Variants in TEAD1 observed in about 807,000 individuals in gnomAD.
The protein encoded by TEAD1 is TEA domain transcription factor 1.
A neutral mutation model predicts 54.9 loss-of-function variants in TEAD1; 9 were observed. That is an observed-to-expected ratio of 0.16 (90% CI 0.10 to 0.29). The LOEUF is 0.29. Among genes scored for constraint, TEAD1 ranks in the 10% least tolerant of loss-of-function variants. The pLI is 1.00. For missense variants in TEAD1, 387 were observed against 535.9 expected (o/e 0.72, Z 2.74); for synonymous variants, 200 against 187.8 (o/e 1.07, Z -0.53).
intron 3 of TEAD1, among the ~76,000 whole-genome samples, chr11:12,770,525 T>C (rs942907619): frequency 2.6e-5 from 4 of 152,180 alleles, no homozygotes; most frequent in Non-Finnish European, 5.9e-5. Flanking sequence ...GTGTGAGCAG[T>C]TAACATACCA....
intron 10 of TEAD1, chr11:12,923,066 C>T (rs1948840606): frequency 6.6e-6 from 1 of 151,840 alleles, no homozygotes; most frequent in Admixed American, 6.6e-5. Flanking sequence ...GCTATAATGG[C>T]CTCCTAGTAT....
chr11:12,766,217 A>C (rs1197450320), intron 3 of TEAD1, among the ~76,000 whole-genome samples: 1 of 152,234 alleles, frequency 6.6e-6, no homozygotes, highest in African/African-American at 2.4e-5. Flanking sequence ...CTGAGAACAT[A>C]ATTCAAAGCA....
chr11:12,881,545 C>G (rs1275864972), intron 7 of TEAD1, among the ~76,000 whole-genome samples: 2 of 152,192 alleles, frequency 1.3e-5, no homozygotes, highest in African/African-American at 4.8e-5. Flanking sequence ...AAAAAACTTG[C>G]ATTGTTTGGC....
chr11:12,903,342 A>G (rs1204938872), intron 10 of TEAD1, among the ~76,000 whole-genome samples: 2 of 152,202 alleles, frequency 1.3e-5, no homozygotes, highest in African/African-American at 4.8e-5. Context: ...ACGTATCTCT[A>G]TACCAAGCAA....
At chr11:12,911,095 A>C (rs549510083) in intron 10 of TEAD1, among the ~76,000 whole-genome samples, 1 of 152,192 alleles carries the variant, frequency 6.6e-6, no homozygotes, top group African/African-American at 2.4e-5. Context: ...AAGCAAGCCT[A>C]CTTTTACTAA....
chr11:12,776,151 G>A (rs997227148), intron 3 of TEAD1, among the ~76,000 whole-genome samples: 2 of 152,178 alleles, frequency 1.3e-5, no homozygotes, highest in African/African-American at 4.8e-5. Flanking sequence ...TCTTATTATA[G>A]GTTTTAGGAC....
intron 2 of TEAD1, among the ~76,000 whole-genome samples, chr11:12,710,674 A>C (rs1458400436): frequency 6.6e-6 from 1 of 152,208 alleles, no homozygotes; most frequent in African/African-American, 2.4e-5. Flanking sequence ...AGGCACTGGG[A>C]CAGCAGTGAA....
chr11:12,783,307 C>G (rs1313622153), intron 3 of TEAD1, among the ~76,000 whole-genome samples: 10 of 151,212 alleles, frequency 6.6e-5, no homozygotes, highest in Admixed American at 6.6e-4. Flanking sequence ...AATGTTTGAG[C>G]CTCCCTACAG....
At chr11:12,854,980 C>G (rs1030885837) in intron 3 of TEAD1, among the ~76,000 whole-genome samples, 1 of 152,220 alleles carries the variant, frequency 6.6e-6, no homozygotes, top group Non-Finnish European at 1.5e-5. Context: ...CAGTGGATGA[C>G]TGGCCAGCTT....
intron 12 of TEAD1, among the ~76,000 whole-genome samples, chr11:12,934,542 A>T (rs939939923): frequency 2.0e-5 from 3 of 151,990 alleles, no homozygotes; most frequent in African/African-American, 2.4e-5. Flanking sequence ...AAAGTATAAT[A>T]AAAAATAAAT....
chr11:12,768,078 C>T (rs763819622), intron 3 of TEAD1, among the ~76,000 whole-genome samples: 2 of 152,136 alleles, frequency 1.3e-5, no homozygotes, highest in Non-Finnish European at 2.9e-5. Context: ...GTCAGATAGA[C>T]CCCATAATCA....
chr11:12,688,053 G>T (rs1160751740), intron 2 of TEAD1, among the ~76,000 whole-genome samples: 1 of 152,184 alleles, frequency 6.6e-6, no homozygotes, highest in African/African-American at 2.4e-5. Context: ...CACCCTGTAG[G>T]CCTGGATATG....
intron 2 of TEAD1, among the ~76,000 whole-genome samples, chr11:12,733,266 A>G (rs549528673): frequency 3.9e-5 from 6 of 152,340 alleles, no homozygotes; most frequent in Non-Finnish European, 7.3e-5. Flanking sequence ...ATTGGATGAC[A>G]GTGAACTTTG....
At chr11:12,870,843 A>G (rs1252898171) in intron 5 of TEAD1, among the ~76,000 whole-genome samples, 1 of 152,086 alleles carries the variant, frequency 6.6e-6, no homozygotes, top group Non-Finnish European at 1.5e-5. Flanking sequence ...CCGAGATTGT[A>G]CTGCTGTACC....
chr11:12,727,888 C>T (rs1307838643), intron 2 of TEAD1, among the ~76,000 whole-genome samples: 1 of 152,112 alleles, frequency 6.6e-6, no homozygotes, highest in Non-Finnish European at 1.5e-5. Flanking sequence ...CAAGGAATAT[C>T]CATATCTTTT....
At chr11:12,814,930 G>T (rs1946385485) in intron 3 of TEAD1, among the ~76,000 whole-genome samples, 1 of 151,988 alleles carries the variant, frequency 6.6e-6, no homozygotes, top group Non-Finnish European at 1.5e-5. Flanking sequence ...CTGCCTCCAC[G>T]TGGGCAAGGC....
intron 3 of TEAD1, among the ~76,000 whole-genome samples, chr11:12,838,022 C>G (rs1290755525): frequency 2.0e-5 from 3 of 152,060 alleles, no homozygotes; most frequent in Non-Finnish European, 4.4e-5. Flanking sequence ...GTCTCGAACT[C>G]CTGACCTCAG....
At chr11:12,682,113 T>A (rs1169490511) in intron 2 of TEAD1, among the ~76,000 whole-genome samples, 1 of 152,248 alleles carries the variant, frequency 6.6e-6, no homozygotes, top group Non-Finnish European at 1.5e-5. Context: ...CTAGATATTC[T>A]AATTTTTGTC....
At chr11:12,896,401 G>C (rs1270230281) in intron 9 of TEAD1, among the ~76,000 whole-genome samples, 1 of 152,086 alleles carries the variant, frequency 6.6e-6, no homozygotes, top group Non-Finnish European at 1.5e-5. Context: ...TCCTTTTGTA[G>C]GAACATACCC....
Sources: gnomAD v4.1 joint callset for allele counts (sites outside exome capture counted in the v4.1 genomes callset) on GRCh38, gnomAD v4.1.1 for gene constraint, MANE v1.5 for transcripts, NCBI Gene and HGNC (gene_info 2026-07-23, HGNC 2026-07-21) for gene names.